Variants in ESRRG observed in about 807,000 individuals in gnomAD.
ESRRG encodes estrogen related receptor gamma.
ESRRG carries 13 observed loss-of-function variants against 44.0 expected under a neutral mutation model. That is an observed-to-expected ratio of 0.30 (90% CI 0.19 to 0.47). The LOEUF (loss-of-function observed/expected upper bound fraction) is 0.47. Among genes scored for constraint, ESRRG ranks in the 20% least tolerant of loss-of-function variants. The probability of loss-of-function intolerance (pLI) is 1.00; values close to 1 mark genes in which losing one functional copy is unlikely to be tolerated. For missense variants in ESRRG, 395 were observed against 580.6 expected (o/e 0.68, Z 3.29); for synonymous variants, 215 against 214.6 (o/e 1.00, Z -0.02).
chr1:216,927,517 G>C (rs2149786188), intron 2 of ESRRG, among the ~76,000 whole-genome samples: 1 of 152,314 alleles, frequency 6.6e-6, no homozygotes, highest in Non-Finnish European at 1.5e-5. Context: ...ACTTGAAATG[G>C]GCCAACGTGC....
upstream of ESRRG, among the ~76,000 whole-genome samples, chr1:217,091,999 C>T (rs1484874066): frequency 6.6e-6 from 1 of 152,174 alleles, no homozygotes; most frequent in Non-Finnish European, 1.5e-5. Flanking sequence ...GTCTTCCATG[C>T]TGTTTGTCAC....
intron 2 of ESRRG, among the ~76,000 whole-genome samples, chr1:216,791,132 C>A (rs2094306220): frequency 6.6e-6 from 1 of 152,132 alleles, no homozygotes; most frequent in Non-Finnish European, 1.5e-5. Context: ...TTTTCCCCAA[C>A]CAAATCTCAT....
chr1:216,778,203 G>A (rs145650324), intron 2 of ESRRG, among the ~76,000 whole-genome samples: 2 of 152,086 alleles, frequency 1.3e-5, no homozygotes, highest in East Asian at 3.9e-4. Flanking sequence ...AGTGGGGAGG[G>A]AAGTAGAAAA....
At chr1:216,786,194 G>T (rs1344847210) in intron 2 of ESRRG, among the ~76,000 whole-genome samples, 1 of 152,002 alleles carries the variant, frequency 6.6e-6, no homozygotes, top group Non-Finnish European at 1.5e-5. Context: ...TTGTTTAATT[G>T]TTGCAATTCA....
At chr1:216,982,210 T>C (rs1300923228) in intron 1 of ESRRG, among the ~76,000 whole-genome samples, 1 of 152,128 alleles carries the variant, frequency 6.6e-6, no homozygotes, top group East Asian at 1.9e-4. Context: ...AAGAAGAAAA[T>C]CATGCAGTGT....
intron 2 of ESRRG, among the ~76,000 whole-genome samples, chr1:216,881,564 AT>A (rs565652158): frequency 5.9e-5 from 9 of 151,810 alleles, no homozygotes; most frequent in East Asian, 1.9e-4. Flanking sequence ...AGAACAAAAA[AT>A]TTTTTTTCTA....
At chr1:216,564,629 T>C (rs2059366762) in intron 4 of ESRRG, among the ~76,000 whole-genome samples, 1 of 152,164 alleles carries the variant, frequency 6.6e-6, no homozygotes, top group Admixed American at 6.6e-5. Context: ...TTTGCTGGAA[T>C]GAAGCGTCTG....
intron 3 of ESRRG, among the ~76,000 whole-genome samples, chr1:216,569,112 G>GGAAGGAAA (rs1573188200): frequency 2.7e-5 from 1 of 36,782 alleles, no homozygotes; most frequent in Admixed American, 3.4e-4. Flanking sequence ...AAGGAAGGAA[G>GGAAGGAAA]AAGGAAGGAA....
intron 2 of ESRRG, among the ~76,000 whole-genome samples, chr1:216,877,784 T>A (rs989770210): frequency 1.7e-4 from 26 of 152,110 alleles, no homozygotes; most frequent in African/African-American, 6.0e-4. Flanking sequence ...TGTTTCCTTA[T>A]TTTTTTCATT....
chr1:216,792,356 T>G (rs1416020960), intron 2 of ESRRG, among the ~76,000 whole-genome samples: 37 of 152,306 alleles, frequency 2.4e-4, no homozygotes, highest in Admixed American at 2.4e-3. Flanking sequence ...TAATTTATTC[T>G]TCCTGTCCCT....
chr1:217,027,039 G>A (rs1043460475), intron 1 of ESRRG, among the ~76,000 whole-genome samples: 1 of 151,846 alleles, frequency 6.6e-6, no homozygotes, highest in African/African-American at 2.4e-5. Context: ...TTTACTGCAG[G>A]TCAAGTCCCC....
At chr1:216,965,319 C>T (rs143868681) in intron 1 of ESRRG, among the ~76,000 whole-genome samples, 232 of 152,196 alleles carry the variant, frequency 1.5e-3, no homozygotes, top group Non-Finnish European at 2.6e-3. Flanking sequence ...GTCCTGGATG[C>T]CTATCAGCAG....
chr1:216,708,538 G>T (rs1559342744), intron 1 of ESRRG, among the ~76,000 whole-genome samples: 1 of 152,076 alleles, frequency 6.6e-6, no homozygotes, highest in Non-Finnish European at 1.5e-5. Context: ...CAGCTACAAT[G>T]GTGAGCATTA....
intron 2 of ESRRG, among the ~76,000 whole-genome samples, chr1:216,782,678 C>T (rs1232953013): frequency 6.6e-6 from 1 of 152,000 alleles, no homozygotes; most frequent in Non-Finnish European, 1.5e-5. Flanking sequence ...AATGCTATAA[C>T]ATTTTGTCAA....
upstream of ESRRG, chr1:217,090,644 A>G (rs1205431633): frequency 6.6e-6 from 1 of 152,160 alleles, no homozygotes; most frequent in African/African-American, 2.4e-5. Context: ...GCGAGAGACA[A>G]ATAGAGAGAA....
chr1:216,948,483 A>C (rs776992625), intron 1 of ESRRG, among the ~76,000 whole-genome samples: 5,662 of 150,854 alleles, frequency 0.038, 148 homozygotes, highest in Middle Eastern at 0.072. Context: ...TCTCAAAAAA[A>C]AAAAAAAAAA....
chr1:216,824,888 T>C (rs747687047), intron 2 of ESRRG, among the ~76,000 whole-genome samples: 13 of 152,350 alleles, frequency 8.5e-5, no homozygotes, highest in African/African-American at 3.1e-4. Context: ...CTACCTGCCT[T>C]GCCTTACTAG....
At chr1:217,043,387 C>T (rs1234389183) in intron 1 of ESRRG, among the ~76,000 whole-genome samples, 1 of 152,144 alleles carries the variant, frequency 6.6e-6, no homozygotes, top group East Asian at 1.9e-4. Flanking sequence ...CCAGACTCAA[C>T]CTGAAAAGTT....
chr1:216,589,036 C>G (rs2149959401), intron 3 of ESRRG, among the ~76,000 whole-genome samples: 1 of 152,208 alleles, frequency 6.6e-6, no homozygotes, highest in South Asian at 2.1e-4. Flanking sequence ...AACAGTGCAC[C>G]TGACCAAAAT....
Sources: allele counts gnomAD v4.1 joint callset (sites outside exome capture counted in the v4.1 genomes callset), GRCh38; gene constraint gnomAD v4.1.1; transcripts MANE v1.5; gene names NCBI Gene and HGNC (gene_info 2026-07-23, HGNC 2026-07-21).